The following CTNNA3 variants were observed in gnomAD, a reference collection of about 807,000 sequenced individuals.
CTNNA3 encodes the protein catenin alpha-3.
A neutral mutation model predicts 95.7 loss-of-function variants in CTNNA3; 76 were observed. The ratio of observed to expected loss-of-function variants is 0.79; its 90% confidence interval spans 0.66 to 0.96. The LOEUF is 0.96. Ranked by LOEUF, CTNNA3 falls within the 40% of genes least tolerant of loss-of-function variation. The pLI is 0.00. For synonymous variants in CTNNA3, 431 were observed against 374.4 expected (o/e 1.15, Z -1.74); for missense variants, 1,191 against 1,089.8 (o/e 1.09, Z -1.31).
At chr10:66,705,770 G>A (rs1402704231) in intron 9 of CTNNA3, among the ~76,000 whole-genome samples, 2 of 151,920 alleles carry the variant, frequency 1.3e-5, no homozygotes, top group Non-Finnish European at 2.9e-5. Flanking sequence ...AATACTGGTT[G>A]TACTAAATGC....
At chr10:66,558,106 C>T (rs1330382107) in intron 10 of CTNNA3, among the ~76,000 whole-genome samples, 1 of 152,024 alleles carries the variant, frequency 6.6e-6, no homozygotes, top group Admixed American at 6.6e-5. Flanking sequence ...AGAGAATAAG[C>T]ACTGGGGAAA....
At chr10:66,993,402 G>C in intron 7 of CTNNA3, among the ~76,000 whole-genome samples, 1 of 152,178 alleles carries the variant, frequency 6.6e-6, no homozygotes, top group South Asian at 2.1e-4. Flanking sequence ...TGATGGGGGA[G>C]TGGCAATGTC....
chr10:66,070,731 A>G (rs191469678), intron 14 of CTNNA3, among the ~76,000 whole-genome samples: 68 of 152,274 alleles, frequency 4.5e-4, no homozygotes, highest in Middle Eastern at 3.4e-3. Context: ...GTTTCCCTAG[A>G]CACAAAATGA....
At chr10:66,756,922 C>T (rs1290084711) in intron 9 of CTNNA3, among the ~76,000 whole-genome samples, 2 of 152,140 alleles carry the variant, frequency 1.3e-5, no homozygotes, top group Non-Finnish European at 2.9e-5. Context: ...TGATTCTTGG[C>T]ATTATGTATT....
At chr10:67,597,948 T>C (rs1245013952) in intron 3 of CTNNA3, among the ~76,000 whole-genome samples, 2 of 152,130 alleles carry the variant, frequency 1.3e-5, no homozygotes, top group East Asian at 1.9e-4. Flanking sequence ...CAAAGAGTTA[T>C]GGTGGTGGCT....
At chr10:66,539,256 G>A (rs1841764002) in intron 10 of CTNNA3, among the ~76,000 whole-genome samples, 1 of 152,196 alleles carries the variant, frequency 6.6e-6, no homozygotes. Context: ...GGAGAGGGCA[G>A]GTAGAAAGAG....
chr10:66,374,012 T>C (rs992456119), intron 12 of CTNNA3, among the ~76,000 whole-genome samples: 3 of 152,196 alleles, frequency 2.0e-5, no homozygotes, highest in Non-Finnish European at 4.4e-5. Context: ...TCCTCCTGAA[T>C]TGGGATGACA....
chr10:67,590,761 A>T (rs1164676023), intron 3 of CTNNA3, among the ~76,000 whole-genome samples: 1 of 152,118 alleles, frequency 6.6e-6, no homozygotes, highest in Non-Finnish European at 1.5e-5. Flanking sequence ...GGTTCGCTAT[A>T]TGTTCTTGTT....
rs1368911480 is a variant in CTNNA3 at position 66,895,475 on chromosome 10, T to TA, written c.1048-119952dup. Among the ~76,000 whole-genome samples, 31 of 152,328 alleles carry TA rather than the reference T, an allele frequency of 2.0e-4. 1 individual carries two copies. Among genetic ancestry groups the TA allele is most frequent in the African/African-American group, 7.0e-4 (29 of 41,588 alleles). On this transcript the variant is annotated intron_variant, in intron 7 of 17. Transcript: ENST00000433211. ...GAAAATGTTAATATTAAAAATTTCT[T>TA]AATATAAAATGTTCTTTCACATATT...
intron 7 of CTNNA3, among the ~76,000 whole-genome samples, chr10:66,820,778 T>C (rs1842280823): frequency 6.6e-6 from 1 of 152,086 alleles, no homozygotes; most frequent in Admixed American, 6.6e-5. Context: ...TCATAATCTG[T>C]GGTTAAAATT....
At chr10:67,665,185 A>G (rs1840301366) in intron 1 of CTNNA3, among the ~76,000 whole-genome samples, 1 of 152,176 alleles carries the variant, frequency 6.6e-6, no homozygotes, top group African/African-American at 2.4e-5. Context: ...TAAAACCACT[A>G]ATAAACAGCA....
chr10:66,689,250 T>C (rs1847424480), intron 9 of CTNNA3, among the ~76,000 whole-genome samples: 1 of 152,132 alleles, frequency 6.6e-6, no homozygotes, highest in Admixed American at 6.6e-5. Flanking sequence ...ATAAAAATTT[T>C]TTTTGAAACA....
chr10:67,161,954 G>C (rs531330214), intron 7 of CTNNA3, among the ~76,000 whole-genome samples: 14 of 152,154 alleles, frequency 9.2e-5, no homozygotes, highest in African/African-American at 3.4e-4. Context: ...ATAATATTAA[G>C]AGTCAATCCT....
chr10:66,669,076 A>G lies in CTNNA3; in HGVS notation c.1282-47292T>C, dbSNP rs201272604. On this transcript the variant is annotated intron_variant, in intron 9 of 17. Coordinates refer to ENST00000433211, the MANE Select transcript of CTNNA3 (RefSeq NM_013266.4). ...ATATAATTCAATTACTTGAAATAAC[A>G]TATTAAATAATCTGAGAGAGGGCGG... Among the ~76,000 whole-genome samples the G allele has an allele frequency of 9.2e-5, 14 of 152,276 alleles. No individual in the cohort carries two copies. The East Asian group carries it at 2.5e-3, about 27-fold the overall frequency.
intron 9 of CTNNA3, among the ~76,000 whole-genome samples, chr10:66,746,342 G>A (rs1292188025): frequency 6.6e-6 from 1 of 152,070 alleles, no homozygotes; most frequent in African/African-American, 2.4e-5. Context: ...TTAGACCTAG[G>A]TACAAATTCT....
chr10:66,949,386 G>T (rs974885347), intron 7 of CTNNA3, among the ~76,000 whole-genome samples: 4 of 151,914 alleles, frequency 2.6e-5, no homozygotes, highest in Admixed American at 2.0e-4. Flanking sequence ...GAGAAACCCC[G>T]TCTCTACTAA....
chr10:66,109,166 C>T (rs754756600), intron 13 of CTNNA3, among the ~76,000 whole-genome samples: 1 of 152,168 alleles, frequency 6.6e-6, no homozygotes, highest in Non-Finnish European at 1.5e-5. Context: ...ACAAACTTGT[C>T]ATGGAAACAG....
At chr10:66,609,221 G>A (rs566150810) in intron 10 of CTNNA3, among the ~76,000 whole-genome samples, 5 of 151,052 alleles carry the variant, frequency 3.3e-5, no homozygotes, top group Non-Finnish European at 5.9e-5. Context: ...CACCATGCCA[G>A]GCTAAATTTT....
chr10:66,868,992 G>A (rs957134447), intron 7 of CTNNA3, among the ~76,000 whole-genome samples: 4 of 152,042 alleles, frequency 2.6e-5, no homozygotes, highest in South Asian at 2.1e-4. Flanking sequence ...AAATTCACAG[G>A]TTGCAAACTC....
Sources: allele counts gnomAD v4.1 joint callset (sites outside exome capture counted in the v4.1 genomes callset), GRCh38; gene constraint gnomAD v4.1.1; transcripts MANE v1.5; gene names NCBI Gene and HGNC (gene_info 2026-07-23, HGNC 2026-07-21).